Variants in INTS13 observed in about 807,000 individuals in gnomAD.
INTS13 encodes asunder, spermatogenesis regulator homolog (Drosphila).
In INTS13, 35 loss-of-function variants were observed where a neutral mutation model predicts 90.2. That is an observed-to-expected ratio of 0.39 (90% confidence interval 0.30 to 0.51). INTS13 has a LOEUF of 0.51. Ranked by LOEUF, INTS13 falls within the 20% of genes least tolerant of loss-of-function variation. The pLI is 0.80. For missense variants in INTS13, 601 were observed against 851.2 expected, an observed-to-expected ratio of 0.71 and a Z score of 3.66; for synonymous variants, 309 against 277.1, an observed-to-expected ratio of 1.11 and a Z score of -1.14.
chr12:26,913,292 A>C (rs1951841101), intron 14 of INTS13, among the ~76,000 whole-genome samples, 165 bp downstream of exon 14: 1 of 152,214 alleles, frequency 6.6e-6, no homozygotes, highest in South Asian at 2.1e-4. Context: ...TGTGCCCAAG[A>C]AAGATCCTCT....
intron 8 of INTS13, chr12:26,919,072 G>A (rs1163855602): frequency 2.6e-6 from 1 of 384,528 alleles, no homozygotes; most frequent in Non-Finnish European, 5.4e-6. Flanking sequence ...AGGCTGAGGT[G>A]GAAGGACTGC....
Position 26,925,838 on chromosome 12 carries a change from G to T in INTS13, c.598C>A (p.Gln200Lys), listed in dbSNP as rs1424440459. Residue 200 changes from glutamine to lysine, a missense_variant, in exon 6 of 17, where the codon CAA becomes AAA. By Grantham distance (53) the Gln-to-Lys change is moderately conservative. Around this residue, in one of 3 missense-constraint regions of INTS13, gnomAD observed 284 missense variants for 387.7 expected, o/e 0.73. Coordinates refer to ENST00000261191, the MANE Select transcript of INTS13 (RefSeq NM_018164.3). ...AANSDHLMQI[Q>K]KCELVLIHTY... Reference sequence around the variant, plus strand: ...TGGATCAAGACCAACTCACATTTTTGAATCTGCATGAGACTTAAAGAGAAA... The same window carrying T: ...TGGATCAAGACCAACTCACATTTTTTAATCTGCATGAGACTTAAAGAGAAA... 6.2e-7 allele frequency: 1 copy of T among 1,611,976 alleles called. No homozygotes were observed. Among genetic ancestry groups the T allele is most frequent in the East Asian group, 2.2e-5 (1 of 44,718 alleles).
chr12:26,938,144 C>T (rs962854002), upstream of INTS13: 3 of 152,718 alleles, frequency 2.0e-5, no homozygotes, highest in African/African-American at 7.2e-5. Context: ...AAGCCTCCAC[C>T]CCTCGAGATT....
chr12:26,932,904 T>C (rs1414518753), intron 3 of INTS13, among the ~76,000 whole-genome samples: 1 of 152,224 alleles, frequency 6.6e-6, no homozygotes, highest in African/African-American at 2.4e-5. Flanking sequence ...TAATCTGCCA[T>C]TTAGTGCCTT....
intron 11 of INTS13, among the ~76,000 whole-genome samples, chr12:26,915,401 TTA>T (rs1471803706): frequency 6.6e-6 from 1 of 152,190 alleles, no homozygotes; most frequent in Non-Finnish European, 1.5e-5. Flanking sequence ...TATTTAAATA[TTA>T]TGTTTTTTAA....
At chr12:26,909,966 C>T (rs1277866985) in intron 15 of INTS13, among the ~76,000 whole-genome samples, 1 of 152,100 alleles carries the variant, frequency 6.6e-6, no homozygotes, top group African/African-American at 2.4e-5. Context: ...CATACCATTA[C>T]ACATGTATCC....
chr12:26,919,382 CA>C (rs143570334), intron 8 of INTS13, among the ~76,000 whole-genome samples: 1 of 152,186 alleles, frequency 6.6e-6, no homozygotes, highest in African/African-American at 2.4e-5. Flanking sequence ...GACATTTAAA[CA>C]GCTCTGTTGT....
rs1282932721 is a variant in INTS13, at chr12:26,906,365, G to A, written c.2018C>T (p.Ala673Val). The change falls in exon 16 of 17, where the codon GCT becomes GTT. Residue 673 changes from alanine (A) to valine (V), a missense_variant. Transcript: ENST00000261191. ...GTTATTAACAGAGTTCAAACGTCCAGCAAATTCCTGATGTTTTCTGGAATT... is the reference window on the plus strand; with the variant it reads ...GTTATTAACAGAGTTCAAACGTCCAACAAATTCCTGATGTTTTCTGGAATT... ...TANSRKHQEFAGRLNSVNNRA... is the reference protein window; with the variant it reads ...TANSRKHQEFVGRLNSVNNRA... 6.2e-7 allele frequency: 1 copy of A among 1,612,900 alleles called. No homozygotes were observed. Among genetic ancestry groups the A allele is most frequent in the Non-Finnish European group, 8.5e-7 (1 of 1,179,430 alleles).
intron 11 of INTS13, 72 bp downstream of exon 11, chr12:26,915,930 C>T (rs1238080638): frequency 2.7e-5 from 31 of 1,145,456 alleles, no homozygotes; most frequent in South Asian, 2.6e-4. Flanking sequence ...TAGCATTTAA[C>T]GAGCACTCGA....
In INTS13 at chr12:26,925,775, G is replaced by A. The variant is rs746358548; in HGVS notation, c.661C>T (p.Arg221Cys). The A allele has an allele frequency of 4.4e-6, 7 of 1,607,306 alleles. No individual in the cohort carries two copies. Among genetic ancestry groups the A allele is most frequent in the African/African-American group, 1.3e-5 (1 of 74,674 alleles). ...PVGEDSLVSD[R>C]SKKELSPVLT... ...TCAACACTCACCTCTTTTTTAGAACGATCAGATACAAGGCTGTCTTCACCA... is the reference window on the plus strand; with the variant it reads ...TCAACACTCACCTCTTTTTTAGAACAATCAGATACAAGGCTGTCTTCACCA... The change falls in exon 6 of 17, where the codon CGT (arginine) becomes TGT (cysteine). Residue 221 changes from arginine to cysteine, a missense_variant. Around this residue, in one of 3 missense-constraint regions of INTS13, gnomAD observed 284 missense variants for 387.7 expected, o/e 0.73. Transcript: ENST00000261191.
chr12:26,912,884 T>C (rs1344013189), intron 14 of INTS13, among the ~76,000 whole-genome samples: 1 of 152,064 alleles, frequency 6.6e-6, no homozygotes, highest in East Asian at 1.9e-4. Context: ...TGCACCCCCA[T>C]ACCCAGCTGA....
intron 11 of INTS13, 22 bp downstream of exon 11, chr12:26,915,980 T>G (rs759214384): frequency 1.3e-6 from 2 of 1,549,202 alleles, no homozygotes; most frequent in Non-Finnish European, 8.7e-7. Flanking sequence ...AAACTTAAAA[T>G]TTATAGATAT....
At chr12:26,926,081 GTGTC>G (rs1937858030) in intron 5 of INTS13, among the ~76,000 whole-genome samples, 1 of 151,416 alleles carries the variant, frequency 6.6e-6, no homozygotes, top group African/African-American at 2.5e-5. Flanking sequence ...ATAATTGTGA[GTGTC>G]TGAAGGATAA....
intron 3 of INTS13, among the ~76,000 whole-genome samples, chr12:26,930,423 G>A (rs956204711): frequency 2.0e-5 from 3 of 152,226 alleles, no homozygotes; most frequent in Middle Eastern, 3.4e-3. Flanking sequence ...AAGATAGTAC[G>A]GTACTGGCAC....
rs541000398 is a variant in INTS13, at chr12:26,919,703, C to A, written c.890-1970G>T. On this transcript the variant is annotated intron_variant, in intron 8 of 16. Transcript: ENST00000261191. ...TTTCTGCCTTACATAAATGAACAGA[C>A]AACAGGGCCATTCACTGAAAAAGGA... Among the ~76,000 whole-genome samples, 3 of 152,214 alleles carry A rather than the reference C, an allele frequency of 2.0e-5. No homozygotes were observed. The South Asian group carries it at 6.2e-4, about 32-fold the overall frequency.
intron 10 of INTS13, among the ~76,000 whole-genome samples, chr12:26,916,399 T>C (rs1951936957): frequency 6.6e-6 from 1 of 152,234 alleles, no homozygotes; most frequent in African/African-American, 2.4e-5. Context: ...ATACAGTTTC[T>C]CACAACAACT....
intron 1 of INTS13, among the ~76,000 whole-genome samples, chr12:26,937,025 C>T (rs1006663912): frequency 6.6e-6 from 1 of 152,154 alleles, no homozygotes; most frequent in African/African-American, 2.4e-5. Flanking sequence ...GTCACTCTAC[C>T]AGGCCCAGAC....
At chr12:26,906,195 C>T in intron 16 of INTS13, 107 bp downstream of exon 16, 1 of 1,089,842 alleles carries the variant, frequency 9.2e-7, no homozygotes, top group East Asian at 2.5e-5. Context: ...TGTATTAGTT[C>T]ATAATATTAG....
chr12:26,936,555 ATT>A, intron 2 of INTS13, 22 bp downstream of exon 2: 1 of 1,528,076 alleles, frequency 6.5e-7, no homozygotes, highest in Non-Finnish European at 9.1e-7. Flanking sequence ...CAAAATCATG[ATT>A]TTGTTTGTAC....
Sources: gnomAD v4.1 joint callset for allele counts (sites outside exome capture counted in the v4.1 genomes callset) on GRCh38, gnomAD v4.1.1 for gene constraint, gnomAD v4.1.1 regional missense constraint, MANE v1.5 for transcripts, NCBI Gene and HGNC (gene_info 2026-07-23, HGNC 2026-07-21) for gene names.